NFATC1: variants seen among roughly 807,000 people sequenced by gnomAD.
NFATC1 encodes nuclear factor of activated T-cells, cytoplasmic 1.
NFATC1 carries 22 observed loss-of-function variants against 76.0 expected under a neutral mutation model. The observed-to-expected ratio is 0.29, with a 90% CI of 0.21 to 0.41. The LOEUF is 0.41. Among genes scored for constraint, NFATC1 ranks in the 10% least tolerant of loss-of-function variants. The pLI, the probability that NFATC1 is intolerant of heterozygous loss-of-function variation, is 1.00. For missense variants in NFATC1, 1,357 were observed against 1,337.7 expected, an observed-to-expected ratio of 1.01 and a Z score of -0.23; for synonymous variants, 704 against 613.1, an observed-to-expected ratio of 1.15 and a Z score of -2.19.
At chr18:79,493,230 C>T (rs960009458) in intron 9 of NFATC1, among the ~76,000 whole-genome samples, 2 of 152,236 alleles carry the variant, frequency 1.3e-5, no homozygotes, top group Non-Finnish European at 2.9e-5. Context: ...CCGCTGGGGG[C>T]GGACTCGCGG....
At chr18:79,522,083 G>T (rs1265778271) in intron 9 of NFATC1, among the ~76,000 whole-genome samples, 1 of 100,946 alleles carries the variant, frequency 9.9e-6, no homozygotes, top group Non-Finnish European at 2.0e-5. Flanking sequence ...GTGTCTGTTG[G>T]GGGGGGCCGT....
chr18:79,397,100 C>T (rs2085032902), intron 1 of NFATC1, among the ~76,000 whole-genome samples: 1 of 152,162 alleles, frequency 6.6e-6, no homozygotes, highest in Non-Finnish European at 1.5e-5. Flanking sequence ...TGAGACCCCC[C>T]TGCGGCGCAT....
intron 3 of NFATC1, among the ~76,000 whole-genome samples, chr18:79,444,804 C>T (rs1357308331): frequency 1.3e-5 from 2 of 152,246 alleles, no homozygotes; most frequent in African/African-American, 2.4e-5. Context: ...CACACACATG[C>T]CTGCACACGC....
intron 2 of NFATC1, 79 bp downstream of exon 2, chr18:79,411,580 G>T: frequency 9.3e-7 from 1 of 1,069,654 alleles, no homozygotes; most frequent in Non-Finnish European, 1.2e-6. Context: ...CGGGACGGGG[G>T]GCGGCGCGGG....
intron 2 of NFATC1, among the ~76,000 whole-genome samples, chr18:79,424,977 C>CTCTG (rs1600670562): frequency 6.6e-6 from 1 of 151,146 alleles, no homozygotes; most frequent in East Asian, 1.9e-4. Flanking sequence ...GTCTCTGTCT[C>CTCTG]TCTGTCTCTC....
chr18:79,465,782 C>G lies in NFATC1; in HGVS notation c.1960-1668C>G, dbSNP rs1319583818. Among the ~76,000 whole-genome samples the G allele has an allele frequency of 6.6e-6, 1 of 151,762 alleles. No individual in the cohort carries two copies. Among genetic ancestry groups the G allele is most frequent in the African/African-American group, 2.4e-5 (1 of 40,988 alleles). ...GAAAACAGCCTTGGAGGAAGCGTCT[C>G]TTTATCCCCCGTACAAATGCCGAGA... is the stretch of plus-strand genomic sequence containing the variant. On this transcript the variant is annotated intron_variant, in intron 7 of 9. Coordinates refer to ENST00000427363, the MANE Select transcript of NFATC1 (RefSeq NM_001278669.2). This position sits in a 1 kb window ranked among gnomAD's most constrained non-coding sequence, Gnocchi z 4.2.
chr18:79,483,902 G>A (rs537387929), intron 8 of NFATC1, among the ~76,000 whole-genome samples: 4 of 140,056 alleles, frequency 2.9e-5, no homozygotes, highest in Non-Finnish European at 3.1e-5. Context: ...TCACTCCAGC[G>A]TGACCTGGTT....
intron 8 of NFATC1, among the ~76,000 whole-genome samples, chr18:79,479,500 A>G (rs550086319): frequency 2.6e-5 from 4 of 152,356 alleles, no homozygotes; most frequent in African/African-American, 9.6e-5. Flanking sequence ...AACCCACACA[A>G]AAAGCACAGT....
At chr18:79,520,092 A>T (rs2090478598) in intron 9 of NFATC1, among the ~76,000 whole-genome samples, 1 of 152,140 alleles carries the variant, frequency 6.6e-6, no homozygotes, top group Admixed American at 6.5e-5. Flanking sequence ...TGGAAGTCAG[A>T]TTTAAAATGG....
At chr18:79,463,352 G>C (rs2088226886) in intron 7 of NFATC1, among the ~76,000 whole-genome samples, 2 of 145,246 alleles carry the variant, frequency 1.4e-5, no homozygotes, top group South Asian at 2.2e-4. Context: ...CGCAGAGCCA[G>C]TGAGTCAGGG....
chr18:79,432,366 C>T (rs2086626748), intron 2 of NFATC1, among the ~76,000 whole-genome samples: 1 of 151,986 alleles, frequency 6.6e-6, no homozygotes, highest in South Asian at 2.1e-4. Flanking sequence ...TCTCTGCCCA[C>T]ACGGAGGTGA....
chr18:79,421,990 T>C (rs2086109801), intron 2 of NFATC1: 1 of 152,280 alleles, frequency 6.6e-6, no homozygotes, highest in Non-Finnish European at 1.5e-5. Flanking sequence ...TAACACATCC[T>C]TATTTTGAAA....
At chr18:79,492,926 T>TA (rs1491257224) in intron 9 of NFATC1, among the ~76,000 whole-genome samples, 8 of 124,254 alleles carry the variant, frequency 6.4e-5, no homozygotes, top group East Asian at 4.2e-4. Context: ...TTTTTTTTTT[T>TA]AGGATTTCTT....
intron 9 of NFATC1, among the ~76,000 whole-genome samples, chr18:79,512,044 C>A (rs1310674180): frequency 1.3e-5 from 2 of 152,128 alleles, no homozygotes; most frequent in African/African-American, 4.8e-5. Context: ...GGAGCCTGTC[C>A]CGGCAATGGC....
intron 9 of NFATC1, among the ~76,000 whole-genome samples, chr18:79,510,822 C>T (rs1160630604): frequency 7.7e-5 from 1 of 12,952 alleles, no homozygotes; most frequent in East Asian, 6.3e-4. Context: ...GCTCCTCTGC[C>T]GGGGCATCCT....
rs200262117 is a variant in NFATC1 at position 79,448,916 on chromosome 18, C to T, written c.1521C>T (p.His507=). The T allele has an allele frequency of 1.6e-4, 255 of 1,613,824 alleles. 3 individuals are homozygous for T. The East Asian group carries it at 4.0e-3, about 25-fold the overall frequency. Residue 507 remains histidine (H), a synonymous_variant, in exon 4 of 10, where the codon CAC becomes CAT. Coordinates refer to ENST00000427363, the MANE Select transcript of NFATC1 (RefSeq NM_001278669.2). ...ITGKTVSTTS[H]EAILSNTKVL... ...GGAAGACCGTGTCCACCACCAGCCA[C>T]GAGGCCATCCTCTCCAACACCAAAG...
At chr18:79,518,005 C>G (rs1321995595) in intron 9 of NFATC1, among the ~76,000 whole-genome samples, 1 of 152,218 alleles carries the variant, frequency 6.6e-6, no homozygotes, top group Non-Finnish European at 1.5e-5. Flanking sequence ...AGCCCAAATC[C>G]AGTTCCTAAA....
chr18:79,461,405 C>G (rs768826409), intron 7 of NFATC1, 39 bp downstream of exon 7: 1 of 1,612,800 alleles, frequency 6.2e-7, no homozygotes, highest in Non-Finnish European at 8.5e-7. Context: ...CTGTGGGTCC[C>G]CAGGGCTTGG....
intron 8 of NFATC1, among the ~76,000 whole-genome samples, chr18:79,471,800 C>T (rs1463204178): frequency 6.6e-6 from 1 of 152,248 alleles, no homozygotes; most frequent in African/African-American, 2.4e-5. Flanking sequence ...CGGAACAGAT[C>T]TGCCTCGGGA....
Sources: allele counts gnomAD v4.1 joint callset (sites outside exome capture counted in the v4.1 genomes callset), GRCh38; gene constraint gnomAD v4.1.1; non-coding constraint Gnocchi (gnomAD v3.1); transcripts MANE v1.5; gene names NCBI Gene and HGNC (gene_info 2026-07-23, HGNC 2026-07-21).